The following LRP2 variants were observed in gnomAD, a reference collection of about 807,000 sequenced individuals.
LRP2 encodes LDL receptor related protein 2.
Under a neutral mutation model 531.0 loss-of-function variants are expected in LRP2, and 172 were observed. The observed-to-expected ratio is 0.32, with a 90% confidence interval of 0.29 to 0.37. LRP2 has a LOEUF of 0.37. Among genes scored for constraint, LRP2 ranks in the 10% least tolerant of loss-of-function variants. The pLI, the probability that LRP2 is intolerant of heterozygous loss-of-function variation, is 1.00. For synonymous variants in LRP2, 1,992 were observed against 2,027.6 expected, an observed-to-expected ratio of 0.98 and a Z score of 0.47; for missense variants, 5,167 against 5,868.3, an observed-to-expected ratio of 0.88 and a Z score of 3.90.
Position 169,154,741 on chromosome 2 carries a change from T to A in LRP2, c.12152-138A>T. 3 of 771,620 alleles carry A rather than the reference T, an allele frequency of 3.9e-6. No individual in the cohort carries two copies. In the South Asian group the frequency reaches 4.7e-5, roughly 12 times the overall value. 47.8% of individuals were successfully genotyped at this position (771,620 alleles called of 1,614,324 possible). A position where few individuals can be genotyped will look rare whatever the true frequency, so the allele number is the denominator to read the frequency against. On this transcript the variant is annotated intron_variant, in intron 65 of 78. Coordinates refer to ENST00000649046, the MANE Select transcript of LRP2 (RefSeq NM_004525.3). ...ATAGGAATCTGACTATCTCTGTTAA[T>A]CAATAAAGCTGACTCTCCAACTGGG...
rs961255853 is a variant in LRP2, at chr2:169,352,714, C to T, written c.79+9607G>A. On this transcript the variant is annotated intron_variant, in intron 1 of 78. Transcript: ENST00000649046. ...ATGTCATTTGCAGGGACATGAATGA[C>T]GCTGGAAGCCATCATTCTCAGCAAA... is the stretch of plus-strand genomic sequence containing the variant. 5.9e-5 allele frequency among the ~76,000 whole-genome samples: 9 copies of T among 152,114 alleles called. No homozygotes were observed. In the South Asian group the frequency reaches 8.3e-4, roughly 14 times the overall value.
In LRP2 at chr2:169,211,952, A is replaced by G. The variant is rs1196918380; in HGVS notation, c.6280+16T>C. ...CCAGATGAAGTCAAATCTTACTTAT[A>G]TTGGAGTTGGCATACCTTGGCCTGC... On this transcript the variant is annotated intron_variant, in intron 37 of 78. Transcript: ENST00000649046. The G allele has an allele frequency of 1.9e-6, 3 of 1,613,654 alleles. No individual in the cohort carries two copies. The highest frequency in any genetic ancestry group is 2.7e-5 in the African/African-American group (2 of 74,892).
At chr2:169,347,786 A>G (rs1395923783) in intron 1 of LRP2, among the ~76,000 whole-genome samples, 1 of 152,184 alleles carries the variant, frequency 6.6e-6, no homozygotes, top group African/African-American at 2.4e-5. Flanking sequence ...ACCTAGTTAC[A>G]TCACGCCTAG....
Position 169,193,766 on chromosome 2 carries a change from T to C in LRP2, c.8825A>G (p.Gln2942Arg). 2 of 1,614,222 alleles carry C rather than the reference T, an allele frequency of 1.2e-6. No homozygotes were observed. Residue 2942 changes from glutamine to arginine, a missense_variant, in exon 47 of 79, where the codon CAG becomes CGG. Physicochemically the swap from Gln to Arg is conservative, Grantham distance 43 (BLOSUM62 1). Transcript: ENST00000649046. ...GDMSDEDKRH[Q>R]CQNQNCSDSE... is the part of the protein sequence containing the mutation. ...AATTAATTGGCTTCACTTACGACAC[T>C]GGTGCCTTTTATCCTCGTCACTCAT... is the stretch of plus-strand genomic sequence containing the variant.
At chr2:169,273,600 A>G (rs1683479017) in intron 14 of LRP2, among the ~76,000 whole-genome samples, 1 of 152,192 alleles carries the variant, frequency 6.6e-6, no homozygotes, top group Non-Finnish European at 1.5e-5. Flanking sequence ...TCAAAGCCAG[A>G]TCTGATTCCA....
chr2:169,129,431 A>G (rs80100376), intron 77 of LRP2, among the ~76,000 whole-genome samples: 2,909 of 152,318 alleles, frequency 0.019, 85 homozygotes, highest in African/African-American at 0.067. Flanking sequence ...CTGGAGAAAA[A>G]GAGATTTCTG....
chr2:169,269,936 G>A (rs1200111330), intron 16 of LRP2, among the ~76,000 whole-genome samples: 1 of 152,138 alleles, frequency 6.6e-6, no homozygotes, highest in East Asian at 1.9e-4. Context: ...CCATCAAAAA[G>A]TGGGTGAAGG....
intron 4 of LRP2, among the ~76,000 whole-genome samples, chr2:169,302,744 T>G (rs1166480955): frequency 5.3e-5 from 1 of 18,726 alleles, no homozygotes; most frequent in African/African-American, 4.9e-4. Flanking sequence ...GTGACCTGGG[T>G]TTTTTTTTTT....
chr2:169,361,900 G>A (rs745627576), intron 1 of LRP2, among the ~76,000 whole-genome samples: 99 of 152,318 alleles, frequency 6.5e-4, no homozygotes, highest in Middle Eastern at 6.8e-3. Flanking sequence ...CCCGGGAGGG[G>A]CGCTGCAGGT....
intron 54 of LRP2, 72 bp downstream of exon 54, chr2:169,176,339 C>A: frequency 6.3e-7 from 1 of 1,586,748 alleles, no homozygotes; most frequent in South Asian, 1.1e-5. Flanking sequence ...ACTCCCATCC[C>A]TTGGAGCCTT....
chr2:169,176,772 C>T (rs1360865729), intron 53 of LRP2, among the ~76,000 whole-genome samples, 184 bp from the exon 54 acceptor site: 1 of 152,148 alleles, frequency 6.6e-6, no homozygotes, highest in African/African-American at 2.4e-5. Flanking sequence ...AGCAACAACC[C>T]TGTGCTTTAA....
At chr2:169,186,122 G>C in intron 49 of LRP2, 103 bp from the exon 50 acceptor site, 1 of 1,020,210 alleles carries the variant, frequency 9.8e-7, no homozygotes, top group Non-Finnish European at 1.5e-6. Context: ...AATTCTTAAT[G>C]AATCATGCTA....
chr2:169,145,228 C>T (rs768076517), intron 70 of LRP2, among the ~76,000 whole-genome samples: 2 of 152,172 alleles, frequency 1.3e-5, no homozygotes, highest in African/African-American at 2.4e-5. Context: ...GATAAATTAG[C>T]GCACAGGTAA....
chr2:169,185,308 T>G (rs1427289162), intron 50 of LRP2, among the ~76,000 whole-genome samples, 195 bp downstream of exon 50: 1 of 152,204 alleles, frequency 6.6e-6, no homozygotes, highest in Non-Finnish European at 1.5e-5. Context: ...ATACTATAAA[T>G]TTTTAAAATA....
At chr2:169,157,044 G>C (rs1229612055) in intron 64 of LRP2, among the ~76,000 whole-genome samples, 1 of 152,160 alleles carries the variant, frequency 6.6e-6, no homozygotes. Context: ...AAGAAAGTAA[G>C]CCTAGTTTGT....
chr2:169,188,329 T>C, intron 48 of LRP2, 64 bp from the exon 49 acceptor site: 1 of 1,533,424 alleles, frequency 6.5e-7, no homozygotes, highest in South Asian at 1.1e-5. Flanking sequence ...TATTACCCAC[T>C]TGGGGTTTTG....
intron 3 of LRP2, among the ~76,000 whole-genome samples, chr2:169,311,014 G>A (rs919983074): frequency 6.6e-6 from 1 of 152,112 alleles, no homozygotes; most frequent in African/African-American, 2.4e-5. Context: ...ATTCTCTGAT[G>A]GTAGTTTGTA....
chr2:169,220,550 T>G lies in LRP2; in HGVS notation c.5552A>C (p.His1851Pro). Residue 1851 changes from histidine (H) to proline (P), a missense_variant, in exon 34 of 79, where the codon CAC (histidine) becomes CCC (proline). Physicochemically the swap from His to Pro is moderately conservative, Grantham distance 77. Coordinates refer to ENST00000649046, the MANE Select transcript of LRP2 (RefSeq NM_004525.3). ...RTQSIEVLTLHGDIRYRKTLI... is the reference protein window; with the variant it reads ...RTQSIEVLTLPGDIRYRKTLI... Reference sequence around the variant, plus strand: ...TGTTTTTCTGTATCTGATATCTCCGTGGAGTGTCAAAACCTATAGCATAAA... The same window carrying G: ...TGTTTTTCTGTATCTGATATCTCCGGGGAGTGTCAAAACCTATAGCATAAA... The G allele has an allele frequency of 6.2e-7, 1 of 1,611,208 alleles. No individual in the cohort carries two copies.
intron 14 of LRP2, among the ~76,000 whole-genome samples, chr2:169,274,381 C>T (rs72878439): frequency 0.023 from 3,505 of 152,060 alleles, 56 homozygotes; most frequent in Non-Finnish European, 0.034. Flanking sequence ...GCCCGGAGTT[C>T]CAGAAAAGTC....
Sources: gnomAD v4.1 joint callset for allele counts (sites outside exome capture counted in the v4.1 genomes callset) on GRCh38, gnomAD v4.1.1 for gene constraint, MANE v1.5 for transcripts, NCBI Gene and HGNC (gene_info 2026-07-23, HGNC 2026-07-21) for gene names.